Variants in COLQ observed in about 807,000 individuals in gnomAD.
COLQ encodes collagen like tail subunit of asymmetric acetylcholinesterase, also known as acetylcholinesterase collagenic tail peptide.
A neutral mutation model predicts 69.0 loss-of-function variants in COLQ; 48 were observed. The ratio of observed to expected loss-of-function variants is 0.70; its 90% CI spans 0.55 to 0.88. The LOEUF (loss-of-function observed/expected upper bound fraction) is 0.88. Ranked by LOEUF, COLQ falls within the 40% of genes least tolerant of loss-of-function variation. The pLI is 0.00. For missense variants in COLQ, 618 were observed against 594.6 expected, an observed-to-expected ratio of 1.04 and a Z score of -0.41; for synonymous variants, 217 against 211.2, an observed-to-expected ratio of 1.03 and a Z score of -0.24.
chr3:15,506,082 C>T (rs1346794343), intron 1 of COLQ, among the ~76,000 whole-genome samples: 2 of 152,158 alleles, frequency 1.3e-5, no homozygotes, highest in Non-Finnish European at 2.9e-5. Context: ...CACTAAAACC[C>T]TTGGATTCCA....
rs752767490 is a variant in COLQ, at chr3:15,451,510, T to C, written c.*134A>G. On this transcript the variant is annotated 3_prime_UTR_variant, in exon 17 of 17. Coordinates refer to ENST00000383788, the MANE Select transcript of COLQ (RefSeq NM_005677.4). ...GTCAGACTGAGTTAACAGCATGTCT[T>C]AGTAGCAGGAATTTGTCCTTGTTTT... 5 of 836,360 alleles carry C rather than the reference T, an allele frequency of 6.0e-6. No homozygotes were observed. The Admixed American group carries it at 8.5e-5, about 14-fold the overall frequency. 51.8% of individuals were successfully genotyped at this position (836,360 alleles called of 1,614,324 possible).
At chr3:15,503,213 G>A (rs2062856848) in intron 1 of COLQ, among the ~76,000 whole-genome samples, 1 of 152,206 alleles carries the variant, frequency 6.6e-6, no homozygotes, top group African/African-American at 2.4e-5. Context: ...CCCAGCCACT[G>A]ACTTCCCATC....
chr3:15,482,593 G>A (rs1344103756), intron 3 of COLQ, among the ~76,000 whole-genome samples: 1 of 152,194 alleles, frequency 6.6e-6, no homozygotes, highest in African/African-American at 2.4e-5. Context: ...TTTTTGATGT[G>A]CTGCTGGATT....
intron 12 of COLQ, among the ~76,000 whole-genome samples, chr3:15,464,824 C>T (rs1010463988): frequency 1.3e-5 from 2 of 152,154 alleles, no homozygotes; most frequent in African/African-American, 4.8e-5. Flanking sequence ...AAGCCCCTAC[C>T]ATGAGCTGAC....
At chr3:15,483,445 T>A (rs563596740) in intron 3 of COLQ, among the ~76,000 whole-genome samples, 1 of 152,350 alleles carries the variant, frequency 6.6e-6, no homozygotes, top group East Asian at 1.9e-4. Flanking sequence ...AGAACATTTT[T>A]ATTTCTGCCT....
At chr3:15,498,835 T>C (rs1487198181) in intron 1 of COLQ, 4 of 1,429,524 alleles carry the variant, frequency 2.8e-6, no homozygotes, top group African/African-American at 1.4e-5. Flanking sequence ...TAGGGGAGGC[T>C]TGGAGGACAA....
Position 15,466,367 on chromosome 3 carries a change from G to A in COLQ, c.788C>T (p.Pro263Leu), listed in dbSNP as rs146619514. The change falls in exon 12 of 17, where the codon CCG becomes CTG. Residue 263 changes from proline to leucine, a missense_variant. Transcript: ENST00000383788. ...TGCAGGTGGGGGGCCTGGGGGCCCC[G>A]GACGGCCAGGTTGACCAGAAGGCCC... Reference protein sequence around the residue: ...KPGPSGQPGRPGPPGPPPAGQ... With the variant: ...KPGPSGQPGRLGPPGPPPAGQ... 2.6e-4 allele frequency: 416 copies of A among 1,613,976 alleles called. No homozygotes were observed. Among genetic ancestry groups the A allele is most frequent in the Non-Finnish European group, 3.3e-4 (389 of 1,179,996 alleles).
At chr3:15,465,370 C>T (rs1318356206) in intron 12 of COLQ, among the ~76,000 whole-genome samples, 15 of 146,518 alleles carry the variant, frequency 1.0e-4, no homozygotes, top group Non-Finnish European at 1.4e-4. Context: ...AGGTTCATGC[C>T]GTTCTCCTGC....
At chr3:15,468,795 G>A (rs1369163425) in intron 11 of COLQ, among the ~76,000 whole-genome samples, 2 of 152,074 alleles carry the variant, frequency 1.3e-5, no homozygotes, top group African/African-American at 2.4e-5. Context: ...CTTCATGGAG[G>A]GGTCTTGGGC....
chr3:15,457,750 C>T (rs892750234), intron 13 of COLQ, among the ~76,000 whole-genome samples: 19 of 151,994 alleles, frequency 1.3e-4, no homozygotes, highest in Admixed American at 1.0e-3. Context: ...GTAGCTGAGA[C>T]AACAGGCGTG....
Position 15,521,544 on chromosome 3 carries a change from T to A in COLQ, c.82A>T (p.Asn28Tyr). Residue 28 changes from asparagine (N) to tyrosine (Y), a missense_variant, in exon 1 of 17, where the codon AAC becomes TAC. By Grantham distance (143) the Asn-to-Tyr change is moderately radical. Coordinates refer to ENST00000383788, the MANE Select transcript of COLQ (RefSeq NM_005677.4). ...CCTGCTGAGATTGGAAGAACGCTGT[T>A]GATGAAAGTCGGCTGAGACACGATA... Reference protein sequence around the residue: ...LSIVSQPTFINSVLPISAALP... With the variant: ...LSIVSQPTFIYSVLPISAALP... The A allele has an allele frequency of 6.2e-7, 1 of 1,614,166 alleles. No homozygotes were observed. The highest frequency in any genetic ancestry group is 1.1e-5 in the South Asian group (1 of 91,082).
At chr3:15,478,769 G>A in intron 5 of COLQ, 1 of 654,440 alleles carries the variant, frequency 1.5e-6, no homozygotes, top group Non-Finnish European at 2.7e-6. Context: ...CTGAATGCCT[G>A]GCAGTAGCAG....
intron 1 of COLQ, among the ~76,000 whole-genome samples, chr3:15,514,370 G>A (rs2063027886): frequency 6.6e-6 from 1 of 152,064 alleles, no homozygotes; most frequent in African/African-American, 2.4e-5. Context: ...AATTCCCAGG[G>A]TGTGTCTCAG....
chr3:15,466,509 A>C, intron 11 of COLQ, 72 bp from the exon 12 acceptor site: 3 of 1,287,686 alleles, frequency 2.3e-6, no homozygotes, highest in Non-Finnish European at 3.4e-6. Context: ...TTATCACCAA[A>C]TCAGAGATCA....
intron 12 of COLQ, among the ~76,000 whole-genome samples, chr3:15,464,935 G>T (rs28594240): frequency 6.6e-6 from 1 of 152,172 alleles, no homozygotes; most frequent in Non-Finnish European, 1.5e-5. Flanking sequence ...CAGCACTTTG[G>T]GAGGCCGAGG....
At chr3:15,520,068 T>C (rs1000913453) in intron 1 of COLQ, among the ~76,000 whole-genome samples, 5 of 152,222 alleles carry the variant, frequency 3.3e-5, no homozygotes, top group Non-Finnish European at 7.3e-5. Context: ...TGAGTTTCCT[T>C]AAGTCCTAAC....
At chr3:15,476,473 T>C (rs541796622) in intron 6 of COLQ, among the ~76,000 whole-genome samples, 1 of 152,344 alleles carries the variant, frequency 6.6e-6, no homozygotes, top group Admixed American at 6.5e-5. Context: ...GGACTTTTCC[T>C]AAGAGGACTG....
At chr3:15,479,115 C>T (rs1314120281) in intron 4 of COLQ, 112 bp from the exon 5 acceptor site, 3 of 1,378,012 alleles carry the variant, frequency 2.2e-6, no homozygotes, top group African/African-American at 1.4e-5. Context: ...AGTTGCTTGG[C>T]TGCTGCTCAC....
At chr3:15,455,329 C>T (rs907386035) in intron 15 of COLQ, among the ~76,000 whole-genome samples, 6 of 151,926 alleles carry the variant, frequency 3.9e-5, no homozygotes, top group African/African-American at 1.4e-4. Context: ...CTTTCCATCA[C>T]ACCTCCTGGT....
Sources: allele counts gnomAD v4.1 joint callset (sites outside exome capture counted in the v4.1 genomes callset), GRCh38; gene constraint gnomAD v4.1.1; transcripts MANE v1.5; gene names NCBI Gene and HGNC (gene_info 2026-07-23, HGNC 2026-07-21).